RPRD1B: variants seen among roughly 807,000 people sequenced by gnomAD.
The protein encoded by RPRD1B is regulation of nuclear pre-mRNA domain containing 1B, also known as regulation of nuclear pre-mRNA domain-containing protein 1B.
RPRD1B carries 11 observed loss-of-function variants against 41.5 expected under a neutral mutation model. That is an observed-to-expected ratio of 0.27 (90% CI 0.17 to 0.44). RPRD1B has a LOEUF of 0.44. RPRD1B is among the 20% of genes least tolerant of loss of function. The probability of loss-of-function intolerance (pLI) is 1.00; values close to 1 mark genes in which losing one functional copy is unlikely to be tolerated. For synonymous variants in RPRD1B, 158 were observed against 155.6 expected (o/e 1.02, Z -0.12); for missense variants, 248 against 389.9 (o/e 0.64, Z 3.06).
rs749022490 is a variant in RPRD1B at position 38,059,399 on chromosome 20, G to C, written c.534G>C (p.Glu178Asp). The C allele has an allele frequency of 1.9e-6, 3 of 1,612,264 alleles. No homozygotes were observed. Among genetic ancestry groups the C allele is most frequent in the Non-Finnish European group, 2.5e-6 (3 of 1,179,180 alleles). ...TTTGTGTTTTCATCTTACAGACTGA[G>C]GAACTAATCAAAGCTTTGCAGGATC... is the stretch of plus-strand genomic sequence containing the variant. The part of the protein sequence containing the change: ...QDPSAGPLLT[E>D]ELIKALQDLE... Residue 178 changes from glutamate (E) to aspartate (D), a missense_variant, in exon 5 of 7, where the codon GAG (glutamate) becomes GAC (aspartate). Glu to Asp is a conservative substitution (Grantham distance 45, BLOSUM62 2). This residue lies in a region of RPRD1B where 94 missense variants were observed against 82.3 expected (regional missense o/e 1.14). Transcript: ENST00000373433.
intron 6 of RPRD1B, among the ~76,000 whole-genome samples, chr20:38,088,765 G>A (rs1462981923): frequency 1.3e-5 from 2 of 152,234 alleles, no homozygotes; most frequent in East Asian, 3.8e-4. Flanking sequence ...GCATAGAGCA[G>A]CTTGCTAGGG....
chr20:38,051,798 C>T (rs2074187277), intron 3 of RPRD1B, among the ~76,000 whole-genome samples: 1 of 152,214 alleles, frequency 6.6e-6, no homozygotes, highest in Admixed American at 6.5e-5. Flanking sequence ...GTCGCCCAGG[C>T]TGGAGTGCAA....
intron 6 of RPRD1B, among the ~76,000 whole-genome samples, chr20:38,067,127 T>C (rs2074365700): frequency 6.6e-6 from 1 of 152,298 alleles, no homozygotes; most frequent in African/African-American, 2.4e-5. Context: ...TGAGTGACCT[T>C]GGGGAGGGAG....
intron 6 of RPRD1B, among the ~76,000 whole-genome samples, chr20:38,080,278 G>A (rs1486819013): frequency 6.6e-6 from 1 of 152,136 alleles, no homozygotes. Context: ...CTTTGCCAGG[G>A]CCGGTGTCCG....
At chr20:38,059,614 C>G in intron 5 of RPRD1B, 94 bp downstream of exon 5, 1 of 1,220,862 alleles carries the variant, frequency 8.2e-7, no homozygotes, top group Non-Finnish European at 1.1e-6. Context: ...CAGGTATAGA[C>G]TACTTTCCAT....
chr20:38,060,488 G>A lies in RPRD1B; in HGVS notation c.655+968G>A, dbSNP rs150826216. ...GAAAATAAAGCAGGGCAGTGGGAGCGGAAAATGATTGCAGGCGGTATTAAT... is the reference window on the plus strand; with the variant it reads ...GAAAATAAAGCAGGGCAGTGGGAGCAGAAAATGATTGCAGGCGGTATTAAT... On this transcript the variant is annotated intron_variant, in intron 5 of 6. Coordinates refer to ENST00000373433, the MANE Select transcript of RPRD1B (RefSeq NM_021215.4). 1.1e-3 allele frequency among the ~76,000 whole-genome samples: 160 copies of A among 152,284 alleles called. 1 individual carries two copies. Among genetic ancestry groups the A allele is most frequent in the East Asian group, 7.9e-3 (41 of 5,174 alleles).
intron 2 of RPRD1B, among the ~76,000 whole-genome samples, 160 bp downstream of exon 2, chr20:38,040,724 A>T (rs1176151153): frequency 2.0e-5 from 3 of 152,226 alleles, no homozygotes; most frequent in African/African-American, 7.2e-5. Context: ...AGCCCTCAAG[A>T]ACTATCGAGA....
intron 2 of RPRD1B, among the ~76,000 whole-genome samples, chr20:38,045,989 C>T (rs1280473092): frequency 1.3e-5 from 2 of 152,246 alleles, no homozygotes; most frequent in East Asian, 3.8e-4. Context: ...CCAGATTCTT[C>T]TGCAGTTTCC....
intron 3 of RPRD1B, among the ~76,000 whole-genome samples, chr20:38,055,214 G>A (rs1214111550): frequency 6.6e-6 from 1 of 152,154 alleles, no homozygotes; most frequent in East Asian, 1.9e-4. Context: ...TTAATATGCT[G>A]TAACAACAAA....
At chr20:38,034,853 T>A (rs1443034349) in intron 1 of RPRD1B, among the ~76,000 whole-genome samples, 2 of 152,238 alleles carry the variant, frequency 1.3e-5, no homozygotes, top group African/African-American at 4.8e-5. Context: ...GCATGTTGCC[T>A]CTGCCAACTG....
intron 5 of RPRD1B, among the ~76,000 whole-genome samples, chr20:38,063,257 C>G (rs1329686936): frequency 2.0e-5 from 3 of 152,178 alleles, no homozygotes; most frequent in Admixed American, 6.5e-5. Flanking sequence ...CCCCCACCTT[C>G]CAGTGCCCCA....
chr20:38,057,444 T>A, intron 3 of RPRD1B, 88 bp from the exon 4 acceptor site: 5 of 849,340 alleles, frequency 5.9e-6, no homozygotes, highest in Admixed American at 1.9e-5. Context: ...CCTTCTGCCC[T>A]GTTTTTACAT....
chr20:38,038,030 G>A (rs781575170), intron 1 of RPRD1B, among the ~76,000 whole-genome samples: 3 of 152,116 alleles, frequency 2.0e-5, no homozygotes, highest in Non-Finnish European at 4.4e-5. Context: ...AAAAAAGCAC[G>A]TTTTGCCATA....
At chr20:38,085,839 C>CT (rs774430421) in intron 6 of RPRD1B, among the ~76,000 whole-genome samples, 9,336 of 124,958 alleles carry the variant, frequency 0.075, 982 homozygotes, top group African/African-American at 0.22. Context: ...TGGAGTCAGT[C>CT]TTTTTTTTTT....
At chr20:38,077,652 C>T (rs533826146) in intron 6 of RPRD1B, among the ~76,000 whole-genome samples, 13 of 152,164 alleles carry the variant, frequency 8.5e-5, no homozygotes, top group Non-Finnish European at 1.3e-4. Context: ...GAATCTGCCT[C>T]CCTTCTCTGC....
intron 4 of RPRD1B, 80 bp downstream of exon 4, chr20:38,057,724 C>A: frequency 2.0e-6 from 2 of 984,362 alleles, no homozygotes; most frequent in East Asian, 2.4e-5. Context: ...AAGGTGGCGC[C>A]AGTGACCACT....
Position 38,090,081 on chromosome 20 carries a change from A to G in RPRD1B, c.*206A>G, listed in dbSNP as rs1024393737. ...CAGTGGCGACTGGAATCTGGTTTAT[A>G]TTCATATTTGCAAAGACTACAGACT... On this transcript the variant is annotated 3_prime_UTR_variant, in exon 7 of 7. Transcript: ENST00000373433. 1.5e-5 allele frequency: 19 copies of G among 1,294,048 alleles called. No individual in the cohort carries two copies. The highest frequency in any genetic ancestry group is 1.4e-5 in the Non-Finnish European group (14 of 1,019,138). 80.2% of individuals were successfully genotyped at this position (1,294,048 alleles called of 1,614,324 possible). A position where few individuals can be genotyped will look rare whatever the true frequency, so the allele number is the denominator to read the frequency against.
At chr20:38,046,743 GT>G (rs2122704014) in intron 2 of RPRD1B, among the ~76,000 whole-genome samples, 1 of 152,276 alleles carries the variant, frequency 6.6e-6, no homozygotes, top group East Asian at 1.9e-4. Flanking sequence ...TAGGGTAGCT[GT>G]TGTTGAGGCA....
At chr20:38,049,995 C>T (rs994839358) in intron 3 of RPRD1B, among the ~76,000 whole-genome samples, 8 of 152,230 alleles carry the variant, frequency 5.3e-5, no homozygotes, top group African/African-American at 1.9e-4. Context: ...TGATGTCCTT[C>T]TACCGCTTTC....
Sources: gnomAD v4.1 joint callset for allele counts (sites outside exome capture counted in the v4.1 genomes callset) on GRCh38, gnomAD v4.1.1 for gene constraint, gnomAD v4.1.1 regional missense constraint, MANE v1.5 for transcripts, NCBI Gene and HGNC (gene_info 2026-07-23, HGNC 2026-07-21) for gene names.